DNAAF11: variants seen among roughly 807,000 people sequenced by gnomAD.
The protein encoded by DNAAF11 is leucine rich repeat containing 6.
A neutral mutation model predicts 60.8 loss-of-function variants in DNAAF11; 45 were observed. The observed-to-expected ratio is 0.74, with a 90% CI of 0.58 to 0.95. The LOEUF is 0.95. Among genes scored for constraint, DNAAF11 ranks in the 40% least tolerant of loss-of-function variants. The pLI, the probability that DNAAF11 is intolerant of heterozygous loss-of-function variation, is 0.00. For missense variants in DNAAF11, 546 were observed against 546.2 expected (o/e 1.00, Z 0.00); for synonymous variants, 191 against 183.5 (o/e 1.04, Z -0.33).
At chr8:132,650,893 A>T (rs1289506076) in intron 3 of DNAAF11, among the ~76,000 whole-genome samples, 1 of 152,110 alleles carries the variant, frequency 6.6e-6, no homozygotes, top group East Asian at 1.9e-4. Context: ...TTTTGTAGAT[A>T]AAAAACCCTC....
intron 10 of DNAAF11, among the ~76,000 whole-genome samples, chr8:132,605,897 G>A (rs905206755): frequency 6.6e-6 from 1 of 152,076 alleles, no homozygotes; most frequent in Middle Eastern, 3.4e-3. Context: ...CAATGTGGCT[G>A]CAATGACTAG....
chr8:132,633,605 T>C (rs1821017266), intron 4 of DNAAF11, among the ~76,000 whole-genome samples: 1 of 152,190 alleles, frequency 6.6e-6, no homozygotes, highest in African/African-American at 2.4e-5. Context: ...AGATAATGGT[T>C]CCCCAAGAAT....
the DNAAF11 span, among the ~76,000 whole-genome samples, chr8:132,699,297 G>A: frequency 1.3e-5 from 2 of 152,098 alleles, no homozygotes; most frequent in East Asian, 1.9e-4. Context: ...TCAGAAAGAA[G>A]AATGTTTCTG....
chr8:132,575,916 G>A (rs1404249563), intron 11 of DNAAF11, among the ~76,000 whole-genome samples: 1 of 152,096 alleles, frequency 6.6e-6, no homozygotes, highest in Admixed American at 6.6e-5. Flanking sequence ...TGTTGGGGAG[G>A]CCGCCTGGAG....
chr8:132,665,297 A>G (rs560844301), intron 1 of DNAAF11, among the ~76,000 whole-genome samples: 96 of 152,250 alleles, frequency 6.3e-4, no homozygotes, highest in Middle Eastern at 6.8e-3. Context: ...ATAGTGTTTC[A>G]TGCTTTTGAA....
At chr8:132,609,836 T>C (rs1264840556) in intron 10 of DNAAF11, among the ~76,000 whole-genome samples, 2 of 152,236 alleles carry the variant, frequency 1.3e-5, no homozygotes, top group East Asian at 1.9e-4. Flanking sequence ...ATTTGGGGTT[T>C]CTGCAGCTTA....
chr8:132,645,712 C>T (rs374097623), intron 3 of DNAAF11, among the ~76,000 whole-genome samples: 10 of 151,556 alleles, frequency 6.6e-5, no homozygotes, highest in African/African-American at 1.7e-4. Context: ...CTTCAGTAGC[C>T]GATCAAGTGG....
At chr8:132,624,083 G>A in intron 6 of DNAAF11, among the ~76,000 whole-genome samples, 1 of 152,066 alleles carries the variant, frequency 6.6e-6, no homozygotes, top group East Asian at 1.9e-4. Context: ...TAACAGATTA[G>A]ATATTATTTC....
In DNAAF11 at chr8:132,620,374, G is replaced by A. The variant is rs186196326; in HGVS notation, c.914+2237C>T. On this transcript the variant is annotated intron_variant, in intron 7 of 11. Coordinates refer to ENST00000620350, the MANE Select transcript of DNAAF11 (RefSeq NM_012472.6). ...TCTTGAGACAGGGTCTTACTCTGTC[G>A]CCCAGGCAGGAGTGCAGTGGCGTGA... Among the ~76,000 whole-genome samples, 202 of 152,164 alleles carry A rather than the reference G, an allele frequency of 1.3e-3. 3 individuals are homozygous for A. The highest frequency in any genetic ancestry group is 4.7e-3 in the African/African-American group (195 of 41,514).
chr8:132,697,103 A>C, the DNAAF11 span, among the ~76,000 whole-genome samples: 2 of 152,234 alleles, frequency 1.3e-5, no homozygotes, highest in Non-Finnish European at 2.9e-5. Context: ...CATTTACATG[A>C]AATGTCCAGA....
At chr8:132,581,543 G>A (rs142262754) in intron 11 of DNAAF11, among the ~76,000 whole-genome samples, 4 of 151,678 alleles carry the variant, frequency 2.6e-5, no homozygotes, top group African/African-American at 4.8e-5. Flanking sequence ...CCAGCTACTC[G>A]GGAGGCTGAG....
chr8:132,599,059 CA>C (rs1817320131), intron 10 of DNAAF11, among the ~76,000 whole-genome samples: 1 of 151,800 alleles, frequency 6.6e-6, no homozygotes, highest in African/African-American at 2.4e-5. Flanking sequence ...AGAGAAGAAT[CA>C]AATAGATGCA....
the DNAAF11 span, among the ~76,000 whole-genome samples, chr8:132,683,932 G>A: frequency 4.4e-3 from 666 of 152,204 alleles, 12 homozygotes; most frequent in African/African-American, 0.015. Flanking sequence ...CTTCTCTTTA[G>A]GGAACACCTG....
At chr8:132,673,256 G>T (rs968770481) in intron 1 of DNAAF11, among the ~76,000 whole-genome samples, 15 of 152,114 alleles carry the variant, frequency 9.9e-5, no homozygotes, top group Admixed American at 1.3e-4. Flanking sequence ...TACTCTCTGT[G>T]CCTCACCAAA....
chr8:132,694,446 G>T, the DNAAF11 span, among the ~76,000 whole-genome samples: 2 of 151,978 alleles, frequency 1.3e-5, no homozygotes, highest in Non-Finnish European at 2.9e-5. Flanking sequence ...AAGAGGGGAG[G>T]CCTCAGAAGA....
chr8:132,654,423 A>T (rs966384181), intron 3 of DNAAF11, among the ~76,000 whole-genome samples: 1 of 151,976 alleles, frequency 6.6e-6, no homozygotes, highest in African/African-American at 2.4e-5. Flanking sequence ...AAAAGGCTAG[A>T]CCTAACAGGC....
the DNAAF11 span, among the ~76,000 whole-genome samples, chr8:132,701,854 T>C: frequency 6.6e-6 from 1 of 152,132 alleles, no homozygotes; most frequent in Non-Finnish European, 1.5e-5. Flanking sequence ...GGCCACATGA[T>C]TGACCCCAGA....
At chr8:132,621,189 G>A (rs1819723903) in intron 7 of DNAAF11, among the ~76,000 whole-genome samples, 2 of 152,216 alleles carry the variant, frequency 1.3e-5, no homozygotes, top group African/African-American at 2.4e-5. Context: ...CCCCTGTGGT[G>A]TATGTGGTGA....
chr8:132,590,275 C>T (rs1230873879), intron 10 of DNAAF11, among the ~76,000 whole-genome samples: 1 of 152,216 alleles, frequency 6.6e-6, no homozygotes, highest in African/African-American at 2.4e-5. Context: ...GCAACTTCTC[C>T]AGCAGTGGTA....
Sources: gnomAD v4.1 joint callset for allele counts (sites outside exome capture counted in the v4.1 genomes callset) on GRCh38, gnomAD v4.1.1 for gene constraint, MANE v1.5 for transcripts, NCBI Gene and HGNC (gene_info 2026-07-23, HGNC 2026-07-21) for gene names.